Variants in ZNF207 observed in about 807,000 individuals in gnomAD.
ZNF207 encodes the protein zinc finger protein 207, also known as BUB3-interacting and GLEBS motif-containing protein ZNF207.
A neutral mutation model predicts 60.2 loss-of-function variants in ZNF207; 24 were observed. That is an observed-to-expected ratio of 0.40 (90% CI 0.29 to 0.56). The LOEUF is 0.56. Ranked by LOEUF, ZNF207 falls within the 20% of genes least tolerant of loss-of-function variation. The probability of loss-of-function intolerance (pLI) is 0.49; values close to 1 mark genes in which losing one functional copy is unlikely to be tolerated. For missense variants in ZNF207, 452 were observed against 636.6 expected (o/e 0.71, Z 3.12); for synonymous variants, 236 against 194.7 (o/e 1.21, Z -1.77).
In ZNF207 at chr17:32,370,207, T is replaced by G. The variant is rs1905403004; in HGVS notation, c.*448T>G. The G allele has an allele frequency of 6.5e-6, 1 of 153,210 alleles. No homozygotes were observed. Among genetic ancestry groups the G allele is most frequent in the Admixed American group, 6.5e-5 (1 of 15,300 alleles). 9.5% of individuals were successfully genotyped at this position (153,210 alleles called of 1,614,324 possible). ...GTAACTGTTTCCAAGTACTTGTACA[T>G]TGGAAGTCTGAATGTGTAACAATAT... On this transcript the variant is annotated 3_prime_UTR_variant, in exon 12 of 12. Transcript: ENST00000394670.
intron 3 of ZNF207, among the ~76,000 whole-genome samples, chr17:32,359,198 C>T (rs987839742): frequency 1.6e-4 from 24 of 151,710 alleles, no homozygotes; most frequent in Admixed American, 3.9e-4. Flanking sequence ...CCACAACCTC[C>T]GCTTCCCAGG....
rs2150807782 is a variant in ZNF207, at chr17:32,376,565, G to T, written c.*6806G>T. 6.6e-6 allele frequency: 1 copy of T among 152,100 alleles called. No individual in the cohort carries two copies. The highest frequency in any genetic ancestry group is 6.5e-5 in the Admixed American group (1 of 15,276). 9.4% of individuals were successfully genotyped at this position (152,100 alleles called of 1,614,324 possible). ...GAAAATGTCTTTATTTTACTAAGCG[G>T]AAGTAGTAGTCATATTGAGGCAGAA... On this transcript the variant is annotated 3_prime_UTR_variant, in exon 12 of 12. Transcript: ENST00000394670.
intron 7 of ZNF207, 105 bp from the exon 8 acceptor site, chr17:32,365,225 G>C: frequency 8.1e-7 from 1 of 1,232,326 alleles, no homozygotes; most frequent in South Asian, 1.6e-5. Flanking sequence ...GGATTTAGTC[G>C]AGTCATTGAG....
chr17:32,361,086 T>A (rs1904856389), intron 5 of ZNF207, 119 bp downstream of exon 5: 1 of 1,005,454 alleles, frequency 9.9e-7, no homozygotes, highest in Non-Finnish European at 1.5e-6. Context: ...GTATGGGCTC[T>A]ATATATCTTG....
chr17:32,369,260 C>T (rs771927029), intron 10 of ZNF207, 35 bp from the exon 11 acceptor site: 98 of 1,599,704 alleles, frequency 6.1e-5, no homozygotes, highest in Non-Finnish European at 7.7e-5. Flanking sequence ...CCTCTGCATT[C>T]GAGTATTTAG....
chr17:32,361,442 T>G, intron 5 of ZNF207, 26 bp from the exon 6 acceptor site: 2 of 1,598,768 alleles, frequency 1.3e-6, no homozygotes, highest in Non-Finnish European at 1.7e-6. Flanking sequence ...ACAGTTAGAT[T>G]TTGATTTTGT....
chr17:32,358,755 C>A, intron 3 of ZNF207, 114 bp downstream of exon 3: 1 of 770,220 alleles, frequency 1.3e-6, no homozygotes, highest in Non-Finnish European at 1.8e-6. Context: ...GTGATCTGGG[C>A]TCTCTGCATC....
At chr17:32,351,508 C>G (rs77646194) in intron 1 of ZNF207, 46,709 of 1,497,676 alleles carry the variant, frequency 0.031, 876 homozygotes, top group Non-Finnish European at 0.036. Flanking sequence ...AAAGTTTCAC[C>G]GACATCTCTG....
rs1905739058 is a variant in ZNF207 at position 32,378,061 on chromosome 17, C to T, written c.*8302C>T. On this transcript the variant is annotated 3_prime_UTR_variant, in exon 12 of 12. Coordinates refer to ENST00000394670, the MANE Select transcript of ZNF207 (RefSeq NM_001098507.2). ...AACTCACACAAGGAAGAAAGCTGTG[C>T]GGTTACTTAAATGTTAGTATAACTA... is the stretch of plus-strand genomic sequence containing the variant. 1 of 152,384 alleles carries T rather than the reference C, an allele frequency of 6.6e-6. No homozygotes were observed. The highest frequency in any genetic ancestry group is 1.5e-5 in the Non-Finnish European group (1 of 67,882). 9.4% of individuals were successfully genotyped at this position (152,384 alleles called of 1,614,324 possible).
chr17:32,367,284 T>TATATAA (rs1346929445), intron 9 of ZNF207, among the ~76,000 whole-genome samples: 61 of 131,046 alleles, frequency 4.7e-4, no homozygotes, highest in African/African-American at 1.8e-3. Flanking sequence ...TATATATATA[T>TATATAA]AAAGAATACT....
intron 2 of ZNF207, among the ~76,000 whole-genome samples, chr17:32,357,964 C>T (rs766150572): frequency 6.6e-6 from 1 of 151,750 alleles, no homozygotes; most frequent in African/African-American, 2.4e-5. Context: ...TATTTTTAGT[C>T]GGGACAGGGT....
In ZNF207 at chr17:32,365,504, G is replaced by A. The variant is rs1905118261; in HGVS notation, c.828+17G>A. 1.9e-6 allele frequency: 3 copies of A among 1,612,592 alleles called. No individual in the cohort carries two copies. The highest frequency in any genetic ancestry group is 3.3e-5 in the Admixed American group (2 of 59,786). ...GCTGGACAGGTAAGGTGAAAATCCT[G>A]AAAAGGAGTGCACTTATATTTAAAG... On this transcript the variant is annotated intron_variant, in intron 8 of 11. Transcript: ENST00000394670.
At chr17:32,360,027 A>T (rs1419180631) in intron 3 of ZNF207, among the ~76,000 whole-genome samples, 1 of 152,138 alleles carries the variant, frequency 6.6e-6, no homozygotes, top group Non-Finnish European at 1.5e-5. Flanking sequence ...GGATCATTCC[A>T]TTTTCTTATA....
At chr17:32,351,703 C>T in intron 1 of ZNF207, 83 bp from the exon 2 acceptor site, 1 of 1,611,024 alleles carries the variant, frequency 6.2e-7, no homozygotes, top group Non-Finnish European at 8.5e-7. Flanking sequence ...TTAGCTGTTC[C>T]CATATTGTAA....
In ZNF207 at chr17:32,381,057, A is replaced by G. The variant is rs1404389081; in HGVS notation, c.*11298A>G. The G allele has an allele frequency of 1.3e-5, 2 of 152,212 alleles. No homozygotes were observed. The highest frequency in any genetic ancestry group is 2.1e-4 in the South Asian group (1 of 4,834). 9.4% of individuals were successfully genotyped at this position (152,212 alleles called of 1,614,324 possible). On this transcript the variant is annotated 3_prime_UTR_variant, in exon 12 of 12. Transcript: ENST00000394670. ...TGATAATAAATGAAGGTTAAAGTCA[A>G]GTGTTCAATTACTACACCAGGAAAG...
chr17:32,357,351 A>AT lies in ZNF207; in HGVS notation c.169-1137dup, dbSNP rs1164011891. 2.7e-3 allele frequency among the ~76,000 whole-genome samples: 200 copies of AT among 73,982 alleles called. 2 individuals carry two copies. The highest frequency in any genetic ancestry group is 3.1e-3 in the Non-Finnish European group (122 of 38,778). 48.5% of individuals were successfully genotyped at this position (73,982 alleles called of 152,430 possible). On this transcript the variant is annotated intron_variant, in intron 2 of 11. Transcript: ENST00000394670. ...TATTATTATTATTATTATTATTATT[A>AT]TTTTTTTTTTTTTTTGAGACAGAAT...
intron 3 of ZNF207, 44 bp downstream of exon 3, chr17:32,358,685 A>AT: frequency 7.5e-7 from 1 of 1,337,324 alleles, no homozygotes; most frequent in Non-Finnish European, 9.6e-7. Flanking sequence ...TATTTTTTTT[A>AT]ATTTTTTTTT....
chr17:32,367,755 A>G lies in ZNF207; in HGVS notation c.922-17A>G. Reference sequence around the variant, plus strand: ...TAAGGTTTTGAAGTTTCGTTGATGAAGTATTGTATTTTACAGGCTCAGGCA... The same window carrying G: ...TAAGGTTTTGAAGTTTCGTTGATGAGGTATTGTATTTTACAGGCTCAGGCA... On this transcript the variant is annotated splice_polypyrimidine_tract_variant and intron_variant, in intron 9 of 11. Transcript: ENST00000394670. The G allele has an allele frequency of 6.2e-7, 1 of 1,609,890 alleles. No individual in the cohort carries two copies. The highest frequency in any genetic ancestry group is 8.5e-7 in the Non-Finnish European group (1 of 1,177,852).
At position 32,376,552 on chromosome 17, in the gene ZNF207, A is replaced by G. The variant is rs549218892; in HGVS notation, c.*6793A>G. 4.9e-4 allele frequency: 74 copies of G among 152,124 alleles called. No homozygotes were observed. Among genetic ancestry groups the G allele is most frequent in the African/African-American group, 1.4e-3 (58 of 41,548 alleles). The allele number at this position is 152,124 out of a possible 1,614,324, so 9.4% of individuals were successfully genotyped here. A position where few individuals can be genotyped will look rare whatever the true frequency, so the allele number is the denominator to read the frequency against. ...TGTATTCTCAGGGGAAAATGTCTTT[A>G]TTTTACTAAGCGGAAGTAGTAGTCA... On this transcript the variant is annotated 3_prime_UTR_variant, in exon 12 of 12. Transcript: ENST00000394670.
Sources: gnomAD v4.1 joint callset for allele counts (sites outside exome capture counted in the v4.1 genomes callset) on GRCh38, gnomAD v4.1.1 for gene constraint, MANE v1.5 for transcripts, NCBI Gene and HGNC (gene_info 2026-07-23, HGNC 2026-07-21) for gene names.